Variants in KCNK2 observed in about 807,000 individuals in gnomAD.
KCNK2 encodes potassium two pore domain channel subfamily K member 2, also known as potassium channel subfamily K member 2.
In KCNK2, 21 loss-of-function variants were observed where a neutral mutation model predicts 40.5. The ratio of observed to expected loss-of-function variants is 0.52; its 90% CI spans 0.37 to 0.75. KCNK2 has a LOEUF of 0.75. Among genes scored for constraint, KCNK2 ranks in the 30% least tolerant of loss-of-function variants. KCNK2 has a pLI of 0.00. For synonymous variants in KCNK2, 191 were observed against 202.2 expected, an observed-to-expected ratio of 0.94 and a Z score of 0.47; for missense variants, 399 against 531.6, an observed-to-expected ratio of 0.75 and a Z score of 2.45.
At chr1:215,075,815 C>T (rs1658906717) in intron 1 of KCNK2, among the ~76,000 whole-genome samples, 1 of 152,198 alleles carries the variant, frequency 6.6e-6, no homozygotes, top group African/African-American at 2.4e-5. Flanking sequence ...TCCTCACCAC[C>T]AAGCTATCAG....
At chr1:215,142,212 T>C (rs1662214003) in intron 3 of KCNK2, among the ~76,000 whole-genome samples, 1 of 152,134 alleles carries the variant, frequency 6.6e-6, no homozygotes, top group South Asian at 2.1e-4. Context: ...AGTGAATTTA[T>C]TTTTTGTTGG....
intron 3 of KCNK2, among the ~76,000 whole-genome samples, chr1:215,141,107 C>T (rs1319871287): frequency 6.6e-6 from 1 of 151,998 alleles, no homozygotes; most frequent in Admixed American, 6.6e-5. Context: ...GTATTTTTTC[C>T]CACTGGAAAG....
rs1275242233 is a variant in KCNK2 at position 215,091,626 on chromosome 1, G to A, written c.357+4948G>A. ...AGAAGAAAATTTGTACCATCCGTGA[G>A]TTTACATTTGCTGGGGAAGGTAATA... On this transcript the variant is annotated intron_variant, in intron 2 of 6. Transcript: ENST00000444842. Among the ~76,000 whole-genome samples, 6 of 152,170 alleles carry A rather than the reference G, an allele frequency of 3.9e-5. No individual in the cohort carries two copies. The East Asian group carries it at 1.2e-3, about 29-fold the overall frequency.
At chr1:215,148,880 G>A (rs549255227) in intron 3 of KCNK2, among the ~76,000 whole-genome samples, 5 of 152,316 alleles carry the variant, frequency 3.3e-5, no homozygotes, top group South Asian at 2.1e-4. Flanking sequence ...CCACCCTTGT[G>A]TCAGCTAGAG....
intron 1 of KCNK2, among the ~76,000 whole-genome samples, chr1:215,020,445 A>T (rs921965213): frequency 6.6e-6 from 1 of 152,154 alleles, no homozygotes; most frequent in Non-Finnish European, 1.5e-5. Flanking sequence ...TTATTTTTTG[A>T]CACAGGGTCT....
chr1:215,191,283 C>CAAAAAA (rs34924845), intron 5 of KCNK2, among the ~76,000 whole-genome samples: 1 of 139,144 alleles, frequency 7.2e-6, no homozygotes, highest in Non-Finnish European at 1.5e-5. Flanking sequence ...GGCTGCATCT[C>CAAAAAA]AAAAAAAAAA....
intron 3 of KCNK2, among the ~76,000 whole-genome samples, chr1:215,142,839 T>A (rs928084152): frequency 1.3e-5 from 2 of 152,122 alleles, no homozygotes; most frequent in African/African-American, 4.8e-5. Context: ...TGAAAGTTGT[T>A]TTGTTGATTT....
chr1:215,083,135 C>T lies in KCNK2; in HGVS notation c.-251C>T, dbSNP rs990544183. Reference sequence around the variant, plus strand: ...CCCAAGCCCAACTTGGCCTCCGCCTCGCCCTCTGCCCAGCCCGCCGGTGTC... The same window carrying T: ...CCCAAGCCCAACTTGGCCTCCGCCTTGCCCTCTGCCCAGCCCGCCGGTGTC... On this transcript the variant is annotated 5_prime_UTR_variant, in exon 1 of 7. Coordinates refer to ENST00000444842, the MANE Select transcript of KCNK2 (RefSeq NM_001017425.3). 2.7e-6 allele frequency: 2 copies of T among 747,226 alleles called. No individual in the cohort carries two copies. Among genetic ancestry groups the T allele is most frequent in the Non-Finnish European group, 4.3e-6 (2 of 463,130 alleles). 46.3% of individuals were successfully genotyped at this position (747,226 alleles called of 1,614,324 possible).
At chr1:215,107,771 G>A (rs2363564) in intron 2 of KCNK2, among the ~76,000 whole-genome samples, 83,274 of 151,778 alleles carry the variant, frequency 0.55, 25,535 homozygotes, top group Non-Finnish European at 0.68. Flanking sequence ...GTCAGCCTTC[G>A]GTATCCGTGG....
intron 1 of KCNK2, among the ~76,000 whole-genome samples, chr1:215,059,056 T>G (rs77990154): frequency 6.7e-6 from 1 of 148,750 alleles, no homozygotes. Flanking sequence ...CATATACATG[T>G]GTATATATAT....
At chr1:215,119,909 A>G (rs532414737) in intron 2 of KCNK2, among the ~76,000 whole-genome samples, 112 of 152,334 alleles carry the variant, frequency 7.4e-4, no homozygotes, top group Middle Eastern at 3.4e-3. Flanking sequence ...TTGAAATTTC[A>G]GAGATTCTTA....
chr1:215,191,941 G>T (rs1317972015), intron 5 of KCNK2, among the ~76,000 whole-genome samples: 1 of 152,076 alleles, frequency 6.6e-6, no homozygotes, highest in African/African-American at 2.4e-5. Flanking sequence ...CAGTGGCCCT[G>T]TCAATAACAA....
intron 1 of KCNK2, among the ~76,000 whole-genome samples, chr1:215,071,508 C>A (rs1658756510): frequency 6.6e-6 from 1 of 152,008 alleles, no homozygotes; most frequent in Non-Finnish European, 1.5e-5. Flanking sequence ...CAGGCTGTTG[C>A]AGGACTAGAA....
intron 1 of KCNK2, among the ~76,000 whole-genome samples, chr1:215,084,182 G>GCACACACACACACACA (rs71945726): frequency 4.5e-4 from 64 of 141,972 alleles, no homozygotes; most frequent in South Asian, 7.0e-4. Flanking sequence ...TTAGGTTAAT[G>GCACACACACACACACA]CACACACACA....
intron 1 of KCNK2, among the ~76,000 whole-genome samples, chr1:215,045,267 G>A (rs189203555): frequency 2.6e-5 from 4 of 151,734 alleles, no homozygotes; most frequent in African/African-American, 9.6e-5. Flanking sequence ...GCAACTTTGG[G>A]ACTATCCAAA....
intron 1 of KCNK2, among the ~76,000 whole-genome samples, chr1:215,075,416 CA>C (rs1658894256): frequency 2.0e-5 from 3 of 152,104 alleles, no homozygotes; most frequent in Admixed American, 2.0e-4. Context: ...CTCAGGAATT[CA>C]ATGGTGTTTT....
intron 3 of KCNK2, among the ~76,000 whole-genome samples, chr1:215,142,425 CTT>C (rs1452785107): frequency 6.6e-6 from 1 of 151,996 alleles, no homozygotes; most frequent in African/African-American, 2.4e-5. Context: ...TAGTTAGAAA[CTT>C]AATAGGAAAG....
chr1:215,011,671 T>A (rs1656395066), intron 1 of KCNK2, among the ~76,000 whole-genome samples: 3 of 150,776 alleles, frequency 2.0e-5, no homozygotes, highest in African/African-American at 7.3e-5. Flanking sequence ...AGTGGCACCA[T>A]CTCAGCTCAC....
chr1:215,093,498 T>C (rs1334685837), intron 2 of KCNK2, among the ~76,000 whole-genome samples: 2 of 42,012 alleles, frequency 4.8e-5, no homozygotes, highest in African/African-American at 1.9e-4. Context: ...ATATGTTATA[T>C]ATTATATATA....
Sources: allele counts gnomAD v4.1 joint callset (sites outside exome capture counted in the v4.1 genomes callset), GRCh38; gene constraint gnomAD v4.1.1; transcripts MANE v1.5; gene names NCBI Gene and HGNC (gene_info 2026-07-23, HGNC 2026-07-21).